Variants in MCM9 observed in about 807,000 individuals in gnomAD.
MCM9 encodes the protein DNA helicase MCM9.
MCM9 carries 55 observed loss-of-function variants against 72.8 expected under a neutral mutation model. That is an observed-to-expected ratio of 0.76 (90% CI 0.61 to 0.95). The LOEUF (loss-of-function observed/expected upper bound fraction) is 0.95, where lower values mean the gene tolerates loss of function less well. MCM9 is among the 40% of genes least tolerant of loss of function. The pLI is 0.00. For synonymous variants in MCM9, 480 were observed against 503.4 expected (o/e 0.95, Z 0.62); for missense variants, 1,279 against 1,377.0 (o/e 0.93, Z 1.13).
intron 8 of MCM9, among the ~76,000 whole-genome samples, chr6:118,883,069 C>CAAAAAAAAAAAAAAAAA (rs36162403): frequency 2.2e-5 from 1 of 46,170 alleles, no homozygotes; most frequent in African/African-American, 7.4e-5. Flanking sequence ...CTCAAAGATG[C>CAAAAAAAAAAAAAAAAA]AAAAAAAAAA....
intron 9 of MCM9, among the ~76,000 whole-genome samples, chr6:118,837,038 C>T (rs1775010818): frequency 6.6e-6 from 1 of 152,190 alleles, no homozygotes; most frequent in Non-Finnish European, 1.5e-5. Context: ...CTGAACACTG[C>T]TTTAGCTGTG....
At chr6:118,843,654 ATGTGTATATATATATGTATG>A (rs1562407010) in intron 9 of MCM9, among the ~76,000 whole-genome samples, 16 of 32,314 alleles carry the variant, frequency 5.0e-4, no homozygotes, top group Admixed American at 1.1e-3. Context: ...ATATATATAT[ATGTGTATATATATATGTATG>A]TATATATATA....
At chr6:118,902,528 C>CTTTTT (rs33980013) in intron 8 of MCM9, among the ~76,000 whole-genome samples, 1 of 131,520 alleles carries the variant, frequency 7.6e-6, no homozygotes, top group Non-Finnish European at 1.6e-5. Context: ...ACTGATAATA[C>CTTTTT]TTTTTTTTTT....
intron 10 of MCM9, among the ~76,000 whole-genome samples, chr6:118,828,559 A>G (rs879688351): frequency 6.6e-6 from 1 of 151,680 alleles, no homozygotes; most frequent in Admixed American, 6.6e-5. Context: ...CTGATTTTTG[A>G]ATTTTAGTAG....
At chr6:118,879,282 C>T (rs1329412941) in intron 8 of MCM9, among the ~76,000 whole-genome samples, 1 of 148,886 alleles carries the variant, frequency 6.7e-6, no homozygotes, top group Non-Finnish European at 1.5e-5. Flanking sequence ...CAACTATGTG[C>T]TGTCTACAAG....
chr6:118,840,740 C>A (rs376527870), intron 9 of MCM9, among the ~76,000 whole-genome samples: 86 of 108,174 alleles, frequency 8.0e-4, no homozygotes, highest in Non-Finnish European at 1.2e-3. Context: ...CCTCCCCCCC[C>A]CCTTTTTTTT....
intron 8 of MCM9, among the ~76,000 whole-genome samples, chr6:118,867,611 T>C (rs1046575602): frequency 1.2e-4 from 19 of 152,182 alleles, no homozygotes; most frequent in Admixed American, 6.5e-4. Context: ...AAACTGCCTA[T>C]AGTATTCCAT....
chr6:118,902,384 AACT>A (rs1001006469), intron 8 of MCM9, among the ~76,000 whole-genome samples: 3 of 152,218 alleles, frequency 2.0e-5, no homozygotes, highest in Admixed American at 2.0e-4. Context: ...CTAAAATTAG[AACT>A]ACATTTTTAT....
chr6:118,874,912 G>T (rs186107567), intron 8 of MCM9, among the ~76,000 whole-genome samples: 1 of 152,132 alleles, frequency 6.6e-6, no homozygotes, highest in Non-Finnish European at 1.5e-5. Context: ...TCAGGAGTTC[G>T]AGACCAGCCT....
At chr6:118,890,578 C>A (rs1778878753) in intron 8 of MCM9, among the ~76,000 whole-genome samples, 1 of 152,108 alleles carries the variant, frequency 6.6e-6, no homozygotes. Flanking sequence ...TATGTCTTAT[C>A]TTTGACTATT....
At position 118,913,409 on chromosome 6, in the gene MCM9, T is replaced by G. The variant is rs754412861; in HGVS notation, c.916A>C (p.Ile306Leu). 6.2e-7 allele frequency: 1 copy of G among 1,612,982 alleles called. No homozygotes were observed. Among genetic ancestry groups the G allele is most frequent in the Non-Finnish European group, 8.5e-7 (1 of 1,179,728 alleles). ...KSDPFAGRNV[I>L]LASLCPQVFG... ...ACTTGAGGGCACAAGCTAGCCAATA[T>G]TACATTCCTTCCTAGGAAAAGCAGA... The change falls in exon 7 of 14, where the codon ATA becomes CTA. Residue 306 changes from isoleucine (I) to leucine (L), a missense_variant. Physicochemically the swap from Ile to Leu is conservative, Grantham distance 5. Coordinates refer to ENST00000619706, the MANE Select transcript of MCM9 (RefSeq NM_017696.3).
At chr6:118,853,293 C>T (rs1201378468) in intron 9 of MCM9, among the ~76,000 whole-genome samples, 1 of 152,160 alleles carries the variant, frequency 6.6e-6, no homozygotes. Context: ...TATCCAATGT[C>T]ACAATGTTTT....
chr6:118,890,217 C>T (rs1469437828), intron 8 of MCM9, among the ~76,000 whole-genome samples: 1 of 152,132 alleles, frequency 6.6e-6, no homozygotes, highest in Non-Finnish European at 1.5e-5. Context: ...TGTCCGCCAG[C>T]CTGTGGGTTC....
intron 9 of MCM9, among the ~76,000 whole-genome samples, chr6:118,849,159 CA>C (rs1776072136): frequency 6.6e-6 from 1 of 151,644 alleles, no homozygotes; most frequent in African/African-American, 2.4e-5. Context: ...ATATATTAGA[CA>C]AATATAAATA....
chr6:118,843,599 CAA>C (rs1418855296), intron 9 of MCM9, among the ~76,000 whole-genome samples: 2 of 67,460 alleles, frequency 3.0e-5, no homozygotes, highest in African/African-American at 9.9e-5. Context: ...CTGCACTCAA[CAA>C]GAGTGAAATT....
At chr6:118,831,980 A>T (rs1191239847) in intron 9 of MCM9, among the ~76,000 whole-genome samples, 1 of 152,164 alleles carries the variant, frequency 6.6e-6, no homozygotes, top group East Asian at 1.9e-4. Context: ...TCAAACCTAG[A>T]TCTGCTGGGC....
intron 8 of MCM9, among the ~76,000 whole-genome samples, chr6:118,877,976 A>G (rs1208867765): frequency 6.6e-6 from 1 of 152,174 alleles, no homozygotes; most frequent in Non-Finnish European, 1.5e-5. Context: ...AGCCTGGGCA[A>G]CAGAGTGAGA....
At chr6:118,909,626 TA>T (rs2114570745) in intron 8 of MCM9, among the ~76,000 whole-genome samples, 1 of 152,324 alleles carries the variant, frequency 6.6e-6, no homozygotes, top group South Asian at 2.1e-4. Context: ...ATGGAGGCAT[TA>T]AGGGTATTAT....
At chr6:118,879,388 G>C (rs1778143324) in intron 8 of MCM9, among the ~76,000 whole-genome samples, 1 of 151,854 alleles carries the variant, frequency 6.6e-6, no homozygotes, top group Non-Finnish European at 1.5e-5. Flanking sequence ...AATTGAGGAA[G>C]CTATACTAAT....
Sources: gnomAD v4.1 joint callset for allele counts (sites outside exome capture counted in the v4.1 genomes callset) on GRCh38, gnomAD v4.1.1 for gene constraint, MANE v1.5 for transcripts, NCBI Gene and HGNC (gene_info 2026-07-23, HGNC 2026-07-21) for gene names.